The following ANKRD11 variants were observed in gnomAD, a reference collection of about 807,000 sequenced individuals.
ANKRD11 encodes the protein ankyrin repeat domain 11, also known as ankyrin repeat domain-containing protein 11.
Under a neutral mutation model 195.7 loss-of-function variants are expected in ANKRD11, and 17 were observed. The observed-to-expected ratio is 0.09, with a 90% CI of 0.06 to 0.13. ANKRD11 has a LOEUF of 0.13. Among genes scored for constraint, ANKRD11 ranks in the 10% least tolerant of loss-of-function variants. ANKRD11 has a pLI of 1.00. For missense variants in ANKRD11, 3,735 were observed against 3,566.1 expected (o/e 1.05, Z -1.21); for synonymous variants, 1,953 against 1,528.1 (o/e 1.28, Z -6.49).
chr16:89,432,226 CG>C (rs1237466813), intron 1 of ANKRD11, among the ~76,000 whole-genome samples: 1 of 135,414 alleles, frequency 7.4e-6, no homozygotes, highest in East Asian at 2.3e-4. Flanking sequence ...TGTTGTACAT[CG>C]TGATGCAGTA....
chr16:89,271,295 T>G (rs1231951806), intron 11 of ANKRD11: 12 of 326,500 alleles, frequency 3.7e-5, no homozygotes, highest in Non-Finnish European at 6.6e-5. Flanking sequence ...TGGAGTGCAA[T>G]GGCGCGATCC....
chr16:89,382,585 C>T (rs910110688), intron 2 of ANKRD11, among the ~76,000 whole-genome samples: 2 of 152,162 alleles, frequency 1.3e-5, no homozygotes, highest in African/African-American at 4.8e-5. Context: ...GATCCATCCA[C>T]TTCGGCCTCC....
At chr16:89,397,881 T>C (rs550754275) in intron 2 of ANKRD11, among the ~76,000 whole-genome samples, 2 of 152,354 alleles carry the variant, frequency 1.3e-5, no homozygotes, top group African/African-American at 4.8e-5. Flanking sequence ...GTCCTGGGCA[T>C]GGGACTCTCC....
At chr16:89,306,262 C>T (rs1597559141) in intron 3 of ANKRD11, among the ~76,000 whole-genome samples, 1 of 96,920 alleles carries the variant, frequency 1.0e-5, no homozygotes, top group Non-Finnish European at 2.0e-5. Flanking sequence ...CGCAGACACG[C>T]GCCACTTACC....
intron 9 of ANKRD11, chr16:89,278,705 G>A (rs895105636): frequency 6.1e-6 from 3 of 492,676 alleles, no homozygotes; most frequent in Non-Finnish European, 8.0e-6. Flanking sequence ...GCAGGGGCAG[G>A]AGACACAGGG....
At chr16:89,451,997 G>A (rs750812828) in intron 1 of ANKRD11, among the ~76,000 whole-genome samples, 2 of 151,848 alleles carry the variant, frequency 1.3e-5, no homozygotes, top group Non-Finnish European at 2.9e-5. Context: ...AGTGTCTCAC[G>A]TCTATAATCC....
chr16:89,367,472 C>T (rs1458020375), intron 2 of ANKRD11, among the ~76,000 whole-genome samples: 1 of 152,206 alleles, frequency 6.6e-6, no homozygotes, highest in Non-Finnish European at 1.5e-5. Context: ...GAGCGACGCT[C>T]TCAAACAACC....
chr16:89,467,268 C>CA (rs35667614), intron 1 of ANKRD11, among the ~76,000 whole-genome samples: 8 of 146,714 alleles, frequency 5.5e-5, no homozygotes, highest in South Asian at 4.3e-4. Flanking sequence ...CCCATCTCTA[C>CA]AAAAAAAAAA....
At chr16:89,393,707 C>T (rs1374415860) in intron 2 of ANKRD11, among the ~76,000 whole-genome samples, 8 of 152,016 alleles carry the variant, frequency 5.3e-5, no homozygotes, top group Admixed American at 5.2e-4. Context: ...GAAGGGGAAG[C>T]AGCCGGGCCG....
intron 1 of ANKRD11, among the ~76,000 whole-genome samples, chr16:89,458,013 C>T (rs913347972): frequency 2.0e-5 from 3 of 152,068 alleles, no homozygotes; most frequent in Non-Finnish European, 4.4e-5. Flanking sequence ...GACCCCACAC[C>T]TGGGGACTGG....
chr16:89,324,080 G>T (rs1567646852), intron 2 of ANKRD11, among the ~76,000 whole-genome samples: 1 of 152,212 alleles, frequency 6.6e-6, no homozygotes, highest in Non-Finnish European at 1.5e-5. Context: ...TCCATCTCTT[G>T]ACCTCATGAT....
rs1365015168 is a variant in ANKRD11, at chr16:89,279,390, C to T, written c.7152G>A (p.Pro2384=). Residue 2384 remains proline (P), a synonymous_variant, in exon 9 of 13, where the codon CCG becomes CCA. Transcript: ENST00000301030. The surrounding 1 kb of genome is among the most constrained non-coding windows in gnomAD (Gnocchi z 5.6). ...TGGAGCGCTGAAAGCGGCGTTTGCGCGGATGCTGGGCCTGGGCGTCGTCGT... is the reference window on the plus strand; with the variant it reads ...TGGAGCGCTGAAAGCGGCGTTTGCGTGGATGCTGGGCCTGGGCGTCGTCGT... ...SEDDDAQAQH[P]RKRRFQRSTQ... is the part of the protein sequence containing the mutation. The T allele has an allele frequency of 7.7e-6, 12 of 1,563,556 alleles. No homozygotes were observed. The East Asian group carries it at 1.2e-4, about 16-fold the overall frequency.
At chr16:89,302,417 T>C (rs1317477780) in intron 4 of ANKRD11, among the ~76,000 whole-genome samples, 1 of 152,202 alleles carries the variant, frequency 6.6e-6, no homozygotes, top group Non-Finnish European at 1.5e-5. Flanking sequence ...CACACCTGGC[T>C]AATTTTTGTA....
intron 2 of ANKRD11, among the ~76,000 whole-genome samples, chr16:89,380,393 T>TGA (rs1252189716): frequency 6.6e-6 from 1 of 152,188 alleles, no homozygotes; most frequent in African/African-American, 2.4e-5. Flanking sequence ...ATTACAGGTG[T>TGA]GAGCCACTGT....
chr16:89,450,633 T>C (rs113200245), intron 1 of ANKRD11, among the ~76,000 whole-genome samples: 1 of 152,172 alleles, frequency 6.6e-6, no homozygotes, highest in East Asian at 1.9e-4. Flanking sequence ...CATACATTCC[T>C]AAACTCCTAC....
At chr16:89,463,055 G>A (rs1257987867) in intron 1 of ANKRD11, among the ~76,000 whole-genome samples, 2 of 104,594 alleles carry the variant, frequency 1.9e-5, no homozygotes, top group African/African-American at 3.4e-5. Flanking sequence ...AGGTGGGGGG[G>A]TCAGCCCCCC....
At chr16:89,456,252 G>T (rs374936651) in intron 1 of ANKRD11, among the ~76,000 whole-genome samples, 2 of 151,140 alleles carry the variant, frequency 1.3e-5, no homozygotes, top group East Asian at 3.9e-4. Context: ...AAAAAAAAGG[G>T]GGGGTGGAAA....
rs769178320 is a variant in ANKRD11 at position 89,284,135 on chromosome 16, T to C, written c.2407A>G (p.Lys803Glu). Reference protein sequence around the residue: ...KIFKEDKEKLKKEKVYREDSA... With the variant: ...KIFKEDKEKLEKEKVYREDSA... Reference sequence around the variant, plus strand: ...TCTTCCCTATAAACCTTTTCTTTTTTGAGTTTTTCTTTATCTTCTTTAAAA... The same window carrying C: ...TCTTCCCTATAAACCTTTTCTTTTTCGAGTTTTTCTTTATCTTCTTTAAAA... Residue 803 changes from lysine (K) to glutamate (E), a missense_variant, in exon 9 of 13, where the codon AAA (lysine) becomes GAA (glutamate). Lys to Glu is a moderately conservative substitution (Grantham distance 56). Coordinates refer to ENST00000301030, the MANE Select transcript of ANKRD11 (RefSeq NM_013275.6). 6.2e-7 allele frequency: 1 copy of C among 1,607,364 alleles called. No individual in the cohort carries two copies. The highest frequency in any genetic ancestry group is 8.5e-7 in the Non-Finnish European group (1 of 1,178,028).
At chr16:89,313,578 T>G in intron 3 of ANKRD11, 1 of 1,289,172 alleles carries the variant, frequency 7.8e-7, no homozygotes, top group Non-Finnish European at 1.0e-6. Flanking sequence ...ATCACGATTC[T>G]TTTGGAAAAA....
Sources: gnomAD v4.1 joint callset for allele counts (sites outside exome capture counted in the v4.1 genomes callset) on GRCh38, gnomAD v4.1.1 for gene constraint, Gnocchi (gnomAD v3.1) non-coding constraint, MANE v1.5 for transcripts, NCBI Gene and HGNC (gene_info 2026-07-23, HGNC 2026-07-21) for gene names.